GRM5: variants seen among roughly 807,000 people sequenced by gnomAD.
GRM5 encodes metabotropic glutamate receptor 5.
Under a neutral mutation model 83.1 loss-of-function variants are expected in GRM5, and 19 were observed. The ratio of observed to expected loss-of-function variants is 0.23; its 90% confidence interval spans 0.16 to 0.34. The LOEUF is 0.34. Among genes scored for constraint, GRM5 ranks in the 10% least tolerant of loss-of-function variants. GRM5 has a pLI of 1.00. For synonymous variants in GRM5, 675 were observed against 633.6 expected (o/e 1.07, Z -0.98); for missense variants, 1,160 against 1,588.3 (o/e 0.73, Z 4.58).
intron 3 of GRM5, among the ~76,000 whole-genome samples, chr11:88,808,259 C>T (rs1176213245): frequency 1.3e-5 from 2 of 151,978 alleles, no homozygotes; most frequent in Admixed American, 6.6e-5. Flanking sequence ...ATTTTCTAAT[C>T]TCTAATAGCA....
At chr11:88,634,668 G>A (rs1348776795) in intron 4 of GRM5, among the ~76,000 whole-genome samples, 1 of 152,180 alleles carries the variant, frequency 6.6e-6, no homozygotes, top group Non-Finnish European at 1.5e-5. Flanking sequence ...ACTTGCCTGA[G>A]GATGTTTTAC....
intron 4 of GRM5, among the ~76,000 whole-genome samples, chr11:88,648,283 G>T (rs1425080744): frequency 6.7e-6 from 1 of 149,164 alleles, no homozygotes; most frequent in Non-Finnish European, 1.5e-5. Flanking sequence ...ACTGGATTAA[G>T]AAAATGTGGC....
intron 2 of GRM5, among the ~76,000 whole-genome samples, chr11:89,028,268 A>G (rs2135120528): frequency 6.6e-6 from 1 of 151,742 alleles, no homozygotes; most frequent in South Asian, 2.1e-4. Flanking sequence ...AATTTTTATT[A>G]CCTGTTTTTT....
rs772464752 is a variant in GRM5, at chr11:88,509,144, C to G, written c.3087G>C (p.Ala1029=). 3.1e-5 allele frequency: 47 copies of G among 1,540,108 alleles called. No homozygotes were observed. Among genetic ancestry groups the G allele is most frequent in the Non-Finnish European group, 3.9e-5 (45 of 1,144,164 alleles). The part of the protein sequence containing the change: ...PSPISTLSHR[A]GSASRTDDDV... The stretch of plus-strand genomic sequence containing the variant: ...CGTCGTCCGTGCGGCTGGCCGAGCC[C>G]GCGCGGTGGCTCAGCGTGCTGATGG... The change falls in exon 10 of 10, where the codon GCG becomes GCC. Residue 1029 remains alanine (A), a synonymous_variant. Coordinates refer to ENST00000305447, the MANE Select transcript of GRM5 (RefSeq NM_001143831.3).
At chr11:88,637,036 C>T (rs1017020595) in intron 4 of GRM5, among the ~76,000 whole-genome samples, 1 of 152,092 alleles carries the variant, frequency 6.6e-6, no homozygotes, top group Non-Finnish European at 1.5e-5. Context: ...GCAATGCGGG[C>T]TCTTTTTTGG....
intron 7 of GRM5, among the ~76,000 whole-genome samples, chr11:88,579,144 T>C (rs781243010): frequency 1.3e-5 from 2 of 152,138 alleles, no homozygotes; most frequent in Admixed American, 6.5e-5. Context: ...GGGTACCTAG[T>C]AGGGATTCCA....
intron 8 of GRM5, among the ~76,000 whole-genome samples, chr11:88,554,054 G>C (rs138577471): frequency 1.3e-5 from 2 of 152,118 alleles, no homozygotes; most frequent in Admixed American, 6.6e-5. Flanking sequence ...TAAAGCAAAA[G>C]AAATTTAATA....
intron 2 of GRM5, among the ~76,000 whole-genome samples, chr11:88,985,557 A>C (rs1173117565): frequency 6.6e-6 from 1 of 152,126 alleles, no homozygotes; most frequent in Non-Finnish European, 1.5e-5. Flanking sequence ...ACATAAAAAA[A>C]ATTATTAATT....
intron 3 of GRM5, among the ~76,000 whole-genome samples, chr11:88,670,146 G>A (rs1313307614): frequency 1.3e-5 from 2 of 151,742 alleles, no homozygotes; most frequent in African/African-American, 4.8e-5. Flanking sequence ...CAAAGAAGTA[G>A]GAAAAAATGT....
chr11:88,872,956 C>T (rs1264896657), intron 2 of GRM5, among the ~76,000 whole-genome samples: 1 of 248 alleles, frequency 4.0e-3, no homozygotes, highest in Non-Finnish European at 0.017. Flanking sequence ...ACTATATGCT[C>T]ATACAAGAAA....
At chr11:89,055,356 A>C (rs1941850831) in intron 1 of GRM5, among the ~76,000 whole-genome samples, 2 of 152,224 alleles carry the variant, frequency 1.3e-5, no homozygotes, top group African/African-American at 4.8e-5. Flanking sequence ...TAATATTTAA[A>C]AATAGTCCCT....
At chr11:88,880,068 G>T (rs1158033489) in intron 2 of GRM5, among the ~76,000 whole-genome samples, 1 of 152,050 alleles carries the variant, frequency 6.6e-6, no homozygotes, top group African/African-American at 2.4e-5. Flanking sequence ...AGAGGAGATG[G>T]TATGAGAATT....
chr11:89,024,663 G>A (rs553345581), intron 2 of GRM5, among the ~76,000 whole-genome samples: 7 of 151,734 alleles, frequency 4.6e-5, no homozygotes, highest in South Asian at 2.1e-4. Flanking sequence ...CAAAAATATC[G>A]GGAAAACAAA....
At chr11:88,957,318 C>T (rs576148012) in intron 2 of GRM5, among the ~76,000 whole-genome samples, 2 of 152,266 alleles carry the variant, frequency 1.3e-5, no homozygotes, top group African/African-American at 4.8e-5. Context: ...AAGAACATGA[C>T]AAAGAGATCT....
intron 3 of GRM5, among the ~76,000 whole-genome samples, chr11:88,676,420 C>T (rs1438756985): frequency 6.6e-6 from 1 of 152,004 alleles, no homozygotes; most frequent in Non-Finnish European, 1.5e-5. Flanking sequence ...ACCACCACCC[C>T]ATACACACTT....
chr11:88,940,354 G>A (rs1938048683), intron 2 of GRM5, among the ~76,000 whole-genome samples: 1 of 146,390 alleles, frequency 6.8e-6, no homozygotes, highest in Admixed American at 6.8e-5. Context: ...AAGCAATTCA[G>A]CCTCCAGGGA....
intron 3 of GRM5, among the ~76,000 whole-genome samples, chr11:88,750,946 C>T (rs7109744): frequency 0.078 from 11,817 of 151,484 alleles, 792 homozygotes; most frequent in African/African-American, 0.19. Context: ...ACTCAATGCC[C>T]ACATCAAAAA....
intron 3 of GRM5, among the ~76,000 whole-genome samples, chr11:88,701,428 T>C (rs1397462683): frequency 6.6e-6 from 1 of 152,072 alleles, no homozygotes; most frequent in Non-Finnish European, 1.5e-5. Flanking sequence ...TCAAGGGTTC[T>C]TGGAAGAGTG....
intron 3 of GRM5, among the ~76,000 whole-genome samples, chr11:88,833,497 A>C (rs746972836): frequency 5.3e-5 from 8 of 152,132 alleles, no homozygotes; most frequent in Non-Finnish European, 1.0e-4. Flanking sequence ...GCTGGCCAGA[A>C]TGCAAAGAAA....
Sources: gnomAD v4.1 joint callset for allele counts (sites outside exome capture counted in the v4.1 genomes callset) on GRCh38, gnomAD v4.1.1 for gene constraint, MANE v1.5 for transcripts, NCBI Gene and HGNC (gene_info 2026-07-23, HGNC 2026-07-21) for gene names.